The following SRGAP3 variants were observed in gnomAD, a reference collection of about 807,000 sequenced individuals.
SRGAP3 encodes the protein SLIT-ROBO Rho GTPase activating protein 3.
In SRGAP3, 39 loss-of-function variants were observed where a neutral mutation model predicts 121.1. The ratio of observed to expected loss-of-function variants is 0.32; its 90% CI spans 0.25 to 0.42. The LOEUF (loss-of-function observed/expected upper bound fraction) is 0.42. SRGAP3 is among the 10% of genes least tolerant of loss of function. The probability of loss-of-function intolerance (pLI) is 1.00; values close to 1 mark genes in which losing one functional copy is unlikely to be tolerated. For synonymous variants in SRGAP3, 601 were observed against 570.0 expected (o/e 1.05, Z -0.77); for missense variants, 1,213 against 1,470.6 (o/e 0.82, Z 2.86).
At chr3:9,323,425 T>A (rs1294906214) in intron 3 of SRGAP3, among the ~76,000 whole-genome samples, 1 of 151,954 alleles carries the variant, frequency 6.6e-6, no homozygotes, top group African/African-American at 2.4e-5. Flanking sequence ...GAGCCTTGAA[T>A]ATACCATTTG....
At chr3:9,263,809 C>T (rs1216121189) in intron 3 of SRGAP3, among the ~76,000 whole-genome samples, 2 of 152,170 alleles carry the variant, frequency 1.3e-5, no homozygotes, top group Admixed American at 6.5e-5. Flanking sequence ...GAGCTGGTAC[C>T]ATTTCTTCTG....
Position 9,212,529 on chromosome 3 carries a change from G to A in SRGAP3, c.67+36356C>T, listed in dbSNP as rs558854119. ...GAGGTCAGGAGATCGATACCATCCT[G>A]GCCAACATGGTGAAACCTCTACTAA... On this transcript the variant is annotated intron_variant, in intron 1 of 21. Coordinates refer to ENST00000383836, the MANE Select transcript of SRGAP3 (RefSeq NM_014850.4). 3.9e-5 allele frequency among the ~76,000 whole-genome samples: 5 copies of A among 127,274 alleles called. No homozygotes were observed. The South Asian group carries it at 1.0e-3, about 27-fold the overall frequency. The allele number at this position is 127,274 out of a possible 152,430, so 83.5% of individuals were successfully genotyped here. A position where few individuals can be genotyped will look rare whatever the true frequency, so the allele number is the denominator to read the frequency against.
intron 1 of SRGAP3, among the ~76,000 whole-genome samples, chr3:9,247,702 T>C (rs1259917743): frequency 1.3e-5 from 2 of 152,092 alleles, no homozygotes; most frequent in African/African-American, 4.8e-5. Flanking sequence ...GTGCATAACC[T>C]CAAAGATAGG....
At chr3:9,338,859 C>T (rs78827158) in intron 1 of SRGAP3, among the ~76,000 whole-genome samples, 1,872 of 152,268 alleles carry the variant, frequency 0.012, 18 homozygotes, top group Middle Eastern at 0.024. Context: ...ACCAATGGCA[C>T]GTACCCTCTA....
chr3:9,279,097 TG>T (rs1954633050), intron 3 of SRGAP3, among the ~76,000 whole-genome samples: 1 of 151,324 alleles, frequency 6.6e-6, no homozygotes, highest in African/African-American at 2.4e-5. Flanking sequence ...CACTCCAACC[TG>T]GGCAACAGGG....
At chr3:9,245,493 G>A (rs1001252282) in intron 1 of SRGAP3, among the ~76,000 whole-genome samples, 2 of 152,174 alleles carry the variant, frequency 1.3e-5, no homozygotes, top group Admixed American at 6.5e-5. Context: ...ATTGTCAGGG[G>A]TTATATTCCC....
At chr3:9,140,954 G>A (rs1213430392) in intron 1 of SRGAP3, among the ~76,000 whole-genome samples, 1 of 152,150 alleles carries the variant, frequency 6.6e-6, no homozygotes, top group African/African-American at 2.4e-5. Flanking sequence ...GGGTTAGGCA[G>A]GCATAGGAAG....
In SRGAP3 at chr3:9,141,570, GTGTGTGT is replaced by G. The variant is rs1949852094; in HGVS notation, c.68-16660_68-16654del. 3.3e-5 allele frequency among the ~76,000 whole-genome samples: 5 copies of G among 150,466 alleles called. No individual in the cohort carries two copies. The South Asian group carries it at 1.1e-3, about 32-fold the overall frequency. On this transcript the variant is annotated intron_variant, in intron 1 of 21. Transcript: ENST00000383836. The stretch of plus-strand genomic sequence containing the variant: ...ACTTCAGGGGTGTGTGTGTGTGTGT[GTGTGTGT>G]GTGTGTGTGTGTGTGTGTGTGTGTG...
chr3:9,074,992 G>C lies in SRGAP3; in HGVS notation c.486+5033C>G, dbSNP rs1472078022. 2.0e-5 allele frequency among the ~76,000 whole-genome samples: 3 copies of C among 152,244 alleles called. No homozygotes were observed. The East Asian group carries it at 5.8e-4, about 29-fold the overall frequency. On this transcript the variant is annotated intron_variant, in intron 4 of 21. Transcript: ENST00000383836. ...CTGCTGAACACAGAGGAAGAGACAG[G>C]TGGGGGGACACTGGACGTTCACTAG...
intron 4 of SRGAP3, among the ~76,000 whole-genome samples, chr3:9,076,339 T>G (rs1946974216): frequency 6.6e-6 from 1 of 152,156 alleles, no homozygotes; most frequent in African/African-American, 2.4e-5. Context: ...TCTGTAAAAA[T>G]GTAAGAGTGT....
chr3:9,231,286 T>C (rs1035844431), intron 1 of SRGAP3, among the ~76,000 whole-genome samples: 2 of 152,120 alleles, frequency 1.3e-5, no homozygotes, highest in Non-Finnish European at 2.9e-5. Context: ...TCTCCTAGAG[T>C]ATCAGGATTT....
intron 3 of SRGAP3, among the ~76,000 whole-genome samples, chr3:9,080,754 G>C (rs150455498): frequency 2.6e-5 from 4 of 152,082 alleles, no homozygotes; most frequent in African/African-American, 9.7e-5. Context: ...TGTGAACTGC[G>C]CATGTGGGGG....
At chr3:9,123,341 T>C (rs1430778060) in intron 2 of SRGAP3, among the ~76,000 whole-genome samples, 1 of 151,862 alleles carries the variant, frequency 6.6e-6, no homozygotes, top group Admixed American at 6.6e-5. Context: ...ATGGTAAATT[T>C]TATATTATGT....
chr3:9,263,033 C>T (rs1954285993), intron 3 of SRGAP3, among the ~76,000 whole-genome samples: 1 of 152,326 alleles, frequency 6.6e-6, no homozygotes, highest in South Asian at 2.1e-4. Context: ...GACCACAGTG[C>T]AATCAAATTA....
chr3:9,232,688 C>T (rs983712911), intron 1 of SRGAP3, among the ~76,000 whole-genome samples: 1 of 152,164 alleles, frequency 6.6e-6, no homozygotes. Context: ...ATGTTAAGTT[C>T]ATGAAATCTG....
chr3:9,193,687 C>T (rs965864609), intron 1 of SRGAP3: 3 of 152,322 alleles, frequency 2.0e-5, no homozygotes, highest in Admixed American at 6.5e-5. Context: ...GAACGTCTCC[C>T]CTTGGCCTGG....
chr3:8,988,645 G>A (rs145284802), intron 21 of SRGAP3, among the ~76,000 whole-genome samples: 1 of 152,262 alleles, frequency 6.6e-6, no homozygotes, highest in Non-Finnish European at 1.5e-5. Context: ...TTTCTTTCTT[G>A]GAGATTCACA....
At chr3:9,149,795 A>C (rs557848736) in intron 1 of SRGAP3, among the ~76,000 whole-genome samples, 2 of 152,324 alleles carry the variant, frequency 1.3e-5, no homozygotes, top group East Asian at 3.9e-4. Context: ...AATACCTGTT[A>C]CTGATGTCAC....
At chr3:9,178,891 C>T (rs1253495833) in intron 1 of SRGAP3, among the ~76,000 whole-genome samples, 2 of 152,192 alleles carry the variant, frequency 1.3e-5, no homozygotes, top group Admixed American at 6.5e-5. Flanking sequence ...GTGGGCAGCT[C>T]AGCTAACCCT....
Sources: allele counts gnomAD v4.1 joint callset (sites outside exome capture counted in the v4.1 genomes callset), GRCh38; gene constraint gnomAD v4.1.1; transcripts MANE v1.5; gene names NCBI Gene and HGNC (gene_info 2026-07-23, HGNC 2026-07-21).